Variants in PCDHA11 observed in about 807,000 individuals in gnomAD.
The protein encoded by PCDHA11 is protocadherin alpha 11, also known as protocadherin alpha-11.
PCDHA11 carries 61 observed loss-of-function variants against 70.3 expected under a neutral mutation model. The observed-to-expected ratio is 0.87, with a 90% CI of 0.71 to 1.07. PCDHA11 has a LOEUF of 1.07. Ranked by LOEUF, PCDHA11 falls within the 50% of genes least tolerant of loss-of-function variation. The pLI is 0.00. For missense variants in PCDHA11, 1,324 were observed against 1,237.5 expected, an observed-to-expected ratio of 1.07 and a Z score of -1.05; for synonymous variants, 633 against 555.1, an observed-to-expected ratio of 1.14 and a Z score of -1.97.
At chr5:140,990,780 G>A (rs900658402) in intron 3 of PCDHA11, among the ~76,000 whole-genome samples, 20 of 152,192 alleles carry the variant, frequency 1.3e-4, no homozygotes, top group African/African-American at 4.8e-4. Flanking sequence ...CTCTGTGTTG[G>A]ACGATGAACC....
Position 140,870,886 on chromosome 5 carries a change from G to T in PCDHA11, c.1783G>T (p.Ala595Ser), listed in dbSNP as rs17844350. The change falls in exon 1 of 4, where the codon GCA becomes TCA. Residue 595 changes from alanine (A) to serine (S), a missense_variant. By Grantham distance (99) the Ala-to-Ser change is moderately conservative (BLOSUM62 1). Coordinates refer to ENST00000398640, the MANE Select transcript of PCDHA11 (RefSeq NM_018902.5). ...GGGCCACGTGGTGGCGAAGGTGCGC[G>T]CAGTGGATGCGGACTCAGGCTACAA... The part of the protein sequence containing the change: ...GAGHVVAKVR[A>S]VDADSGYNAW... 4,395 of 1,613,944 alleles carry T rather than the reference G, an allele frequency of 2.7e-3. 116 individuals are homozygous for T. The East Asian group carries it at 0.058, about 21-fold the overall frequency.
intron 1 of PCDHA11, chr5:140,882,698 G>GA: frequency 6.2e-7 from 1 of 1,614,200 alleles, no homozygotes; most frequent in Non-Finnish European, 8.5e-7. Flanking sequence ...AATCATTGCA[G>GA]AATCTAGACC....
intron 1 of PCDHA11, among the ~76,000 whole-genome samples, chr5:140,910,919 T>G (rs2075230231): frequency 6.6e-6 from 1 of 152,154 alleles, no homozygotes; most frequent in Admixed American, 6.5e-5. Flanking sequence ...TTTTTGCTTA[T>G]ATAAATAAGA....
intron 1 of PCDHA11, chr5:140,883,566 C>A: frequency 1.2e-5 from 19 of 1,614,176 alleles, no homozygotes; most frequent in Non-Finnish European, 1.5e-5. Flanking sequence ...GGGGGCTCGC[C>A]TTCGCTGTGG....
At chr5:140,886,690 G>T (rs1321168089) in intron 1 of PCDHA11, among the ~76,000 whole-genome samples, 3 of 151,964 alleles carry the variant, frequency 2.0e-5, no homozygotes, top group African/African-American at 7.2e-5. Flanking sequence ...GCGAGGCATG[G>T]TGGCACGCGC....
chr5:140,940,437 C>T (rs1212783028), intron 1 of PCDHA11, among the ~76,000 whole-genome samples: 1 of 151,730 alleles, frequency 6.6e-6, no homozygotes, highest in Non-Finnish European at 1.5e-5. Context: ...TCAAGTCTGC[C>T]ATGATATTTT....
chr5:140,972,499 G>A (rs1398741603), intron 1 of PCDHA11, among the ~76,000 whole-genome samples: 3 of 151,888 alleles, frequency 2.0e-5, no homozygotes, highest in South Asian at 4.2e-4. Flanking sequence ...TAATCTGTTG[G>A]TAGATTTTAC....
rs144119560 is a variant in PCDHA11 at position 140,883,581 on chromosome 5, C to G, written c.2391+12087C>G. ...GGGGGCTCGCCTTCGCTGTGGGCCACGGCCAGCGTGTCGGTGGGGGTGGCC... is the reference window on the plus strand; with the variant it reads ...GGGGGCTCGCCTTCGCTGTGGGCCAGGGCCAGCGTGTCGGTGGGGGTGGCC... On this transcript the variant is annotated intron_variant, in intron 1 of 3. Coordinates refer to ENST00000398640, the MANE Select transcript of PCDHA11 (RefSeq NM_018902.5). 2.6e-4 allele frequency: 420 copies of G among 1,614,018 alleles called. 1 individual carries two copies. In the African/African-American group the frequency reaches 5.3e-3, roughly 20 times the overall value.
intron 1 of PCDHA11, among the ~76,000 whole-genome samples, chr5:140,946,634 A>ATATATATATAT (rs1554217761): frequency 2.7e-5 from 4 of 147,312 alleles, no homozygotes; most frequent in African/African-American, 7.7e-5. Context: ...ATATATATAC[A>ATATATATATAT]ATGGAATACT....
chr5:140,927,225 G>A, intron 1 of PCDHA11: 2 of 1,614,112 alleles, frequency 1.2e-6, no homozygotes, highest in South Asian at 2.2e-5. Context: ...ACAAGATTCG[G>A]ATTCACGTCC....
At chr5:140,988,424 G>C (rs1563549055) in intron 3 of PCDHA11, among the ~76,000 whole-genome samples, 1 of 152,158 alleles carries the variant, frequency 6.6e-6, no homozygotes, top group Non-Finnish European at 1.5e-5. Context: ...TAAAGAATTT[G>C]TTTGTTTTGG....
chr5:140,974,350 C>A (rs555781549), intron 1 of PCDHA11, among the ~76,000 whole-genome samples: 1 of 152,186 alleles, frequency 6.6e-6, no homozygotes, highest in African/African-American at 2.4e-5. Context: ...GCATCCAGAA[C>A]TAAACAGACC....
At position 140,876,690 on chromosome 5, in the gene PCDHA11, G is replaced by A. The variant is rs73793508; in HGVS notation, c.2391+5196G>A. The A allele has an allele frequency of 1.7e-3, 2,720 of 1,614,174 alleles. 43 individuals are homozygous for A. The African/African-American group carries it at 0.033, about 20-fold the overall frequency. ...TGTCCACCTACAAGAATTACTACTC[G>A]TTGGTGCTGGACAGCGCCCTGGACC... On this transcript the variant is annotated intron_variant, in intron 1 of 3. Transcript: ENST00000398640.
chr5:141,001,492 T>A (rs1190860523), intron 3 of PCDHA11, among the ~76,000 whole-genome samples: 1 of 152,236 alleles, frequency 6.6e-6, no homozygotes, highest in African/African-American at 2.4e-5. Context: ...CTGGAAATGC[T>A]AGCCCAGGTG....
chr5:140,915,283 C>T (rs1395177735), intron 1 of PCDHA11, among the ~76,000 whole-genome samples: 1 of 152,068 alleles, frequency 6.6e-6, no homozygotes, highest in African/African-American at 2.4e-5. Context: ...ATCATTTACT[C>T]TTTCTACTTA....
intron 1 of PCDHA11, chr5:140,884,560 G>A: frequency 6.2e-7 from 1 of 1,614,132 alleles, no homozygotes; most frequent in African/African-American, 1.3e-5. Context: ...GGGAGGGCCC[G>A]CATAAGACGG....
intron 3 of PCDHA11, among the ~76,000 whole-genome samples, chr5:141,007,362 G>A (rs1554261189): frequency 6.8e-6 from 1 of 146,590 alleles, no homozygotes; most frequent in Non-Finnish European, 1.5e-5. Context: ...ACCAGCCTGG[G>A]CAACATGATG....
intron 1 of PCDHA11, among the ~76,000 whole-genome samples, chr5:140,921,599 G>A (rs2080288942): frequency 6.6e-6 from 1 of 152,036 alleles, no homozygotes; most frequent in African/African-American, 2.4e-5. Flanking sequence ...GGTTTCAAAG[G>A]TAATAAGAAA....
At chr5:141,004,492 A>G (rs2098168083) in intron 3 of PCDHA11, among the ~76,000 whole-genome samples, 2 of 152,230 alleles carry the variant, frequency 1.3e-5, no homozygotes, top group South Asian at 2.1e-4. Context: ...AACTCTTGGC[A>G]GTCCTGCTGT....
Sources: allele counts gnomAD v4.1 joint callset (sites outside exome capture counted in the v4.1 genomes callset), GRCh38; gene constraint gnomAD v4.1.1; transcripts MANE v1.5; gene names NCBI Gene and HGNC (gene_info 2026-07-23, HGNC 2026-07-21).